SPOCK1: variants seen among roughly 807,000 people sequenced by gnomAD.
The protein encoded by SPOCK1 is testican-1.
In SPOCK1, 23 loss-of-function variants were observed where a neutral mutation model predicts 55.3. That is an observed-to-expected ratio of 0.42 (90% CI 0.30 to 0.59). SPOCK1 has a LOEUF of 0.59. Ranked by LOEUF, SPOCK1 falls within the 20% of genes least tolerant of loss-of-function variation. The pLI, the probability that SPOCK1 is intolerant of heterozygous loss-of-function variation, is 0.22. For missense variants in SPOCK1, 499 were observed against 552.5 expected (o/e 0.90, Z 0.97); for synonymous variants, 226 against 221.0 (o/e 1.02, Z -0.20).
chr5:137,315,695 T>C (rs1203045475), intron 2 of SPOCK1, among the ~76,000 whole-genome samples: 2 of 152,208 alleles, frequency 1.3e-5, no homozygotes, highest in East Asian at 1.9e-4. Flanking sequence ...TTCCTGAGAC[T>C]AGGCACAGTG....
intron 2 of SPOCK1, among the ~76,000 whole-genome samples, chr5:137,421,208 T>C (rs1401941170): frequency 4.6e-5 from 7 of 152,254 alleles, no homozygotes; most frequent in African/African-American, 1.7e-4. Flanking sequence ...AGGAGTGTTT[T>C]ACTTCCAACT....
intron 6 of SPOCK1, among the ~76,000 whole-genome samples, chr5:137,004,059 G>A (rs1463438874): frequency 6.6e-6 from 1 of 152,094 alleles, no homozygotes; most frequent in Non-Finnish European, 1.5e-5. Context: ...ATGGGGATAT[G>A]GGTTGATGGA....
intron 2 of SPOCK1, among the ~76,000 whole-genome samples, chr5:137,338,333 A>G (rs1363650211): frequency 6.6e-6 from 1 of 152,090 alleles, no homozygotes; most frequent in East Asian, 1.9e-4. Flanking sequence ...CCATGTCCCT[A>G]CAAAGGACAG....
At chr5:137,131,670 G>A (rs1365468714) in intron 4 of SPOCK1, among the ~76,000 whole-genome samples, 2 of 148,636 alleles carry the variant, frequency 1.3e-5, no homozygotes, top group African/African-American at 5.0e-5. Context: ...TGGTCTACCT[G>A]AATACTAAAA....
At chr5:137,281,710 A>G (rs376296624) in intron 2 of SPOCK1, among the ~76,000 whole-genome samples, 16 of 152,106 alleles carry the variant, frequency 1.1e-4, no homozygotes, top group African/African-American at 3.6e-4. Context: ...TATCTCATCT[A>G]ATTTACCAGC....
At chr5:137,014,769 G>A (rs1262658418) in intron 6 of SPOCK1, among the ~76,000 whole-genome samples, 1 of 152,166 alleles carries the variant, frequency 6.6e-6, no homozygotes, top group Non-Finnish European at 1.5e-5. Flanking sequence ...ACAAATTCCT[G>A]AGAGGGTCAG....
intron 6 of SPOCK1, among the ~76,000 whole-genome samples, chr5:137,040,766 GTT>G (rs1233067091): frequency 7.2e-5 from 11 of 152,148 alleles, no homozygotes; most frequent in Non-Finnish European, 1.5e-5. Flanking sequence ...CTAGGAATCA[GTT>G]TTCTTTTGGG....
At chr5:136,981,876 T>C (rs1750738455) in intron 9 of SPOCK1, among the ~76,000 whole-genome samples, 1 of 152,248 alleles carries the variant, frequency 6.6e-6, no homozygotes, top group Non-Finnish European at 1.5e-5. Context: ...TATTCCATTT[T>C]AAGTTATGAG....
intron 6 of SPOCK1, among the ~76,000 whole-genome samples, chr5:137,053,337 T>G (rs906521757): frequency 6.6e-6 from 1 of 152,068 alleles, no homozygotes; most frequent in Non-Finnish European, 1.5e-5. Flanking sequence ...ATCAGAAGTC[T>G]TGGAGTAAAC....
chr5:137,341,180 C>T (rs890106654), intron 2 of SPOCK1, among the ~76,000 whole-genome samples: 2 of 152,260 alleles, frequency 1.3e-5, no homozygotes, highest in African/African-American at 4.8e-5. Context: ...TCTGCACGCG[C>T]TTGGCAGACA....
chr5:137,319,575 T>G (rs550389329), intron 2 of SPOCK1, among the ~76,000 whole-genome samples: 3 of 152,352 alleles, frequency 2.0e-5, no homozygotes, highest in Admixed American at 6.5e-5. Context: ...ACTATCCTTC[T>G]TATTTAAGTA....
rs34252259 is a variant in SPOCK1 at position 137,474,376 on chromosome 5, C to A, written c.186+23997G>T. Among the ~76,000 whole-genome samples the A allele has an allele frequency of 5.3e-5, 8 of 152,012 alleles. No homozygotes were observed. In the East Asian group the frequency reaches 1.5e-3, roughly 29 times the overall value. ...ATTTGGAATTAGGTTTCTCACTGTG[C>A]GAAAAATAAAGAGCCTATTTTATGG... On this transcript the variant is annotated intron_variant, in intron 2 of 10. Coordinates refer to ENST00000394945, the MANE Select transcript of SPOCK1 (RefSeq NM_004598.4).
intron 4 of SPOCK1, among the ~76,000 whole-genome samples, chr5:137,122,240 T>TACACACACACACACACAC (rs772246376): frequency 7.5e-6 from 1 of 132,958 alleles, no homozygotes; most frequent in Non-Finnish European, 1.6e-5. Context: ...AAAGCAGTTA[T>TACACACACACACACACAC]ACACACACAC....
intron 3 of SPOCK1, among the ~76,000 whole-genome samples, chr5:137,200,099 A>G (rs889889319): frequency 3.3e-5 from 5 of 152,012 alleles, no homozygotes; most frequent in African/African-American, 4.8e-5. Context: ...CCATGATATC[A>G]CTCAAAGTGA....
chr5:137,060,683 T>C (rs906338387), intron 6 of SPOCK1, among the ~76,000 whole-genome samples: 1 of 152,002 alleles, frequency 6.6e-6, no homozygotes, highest in Non-Finnish European at 1.5e-5. Context: ...GGGCAAACTA[T>C]CAAAGCCATT....
intron 3 of SPOCK1, among the ~76,000 whole-genome samples, chr5:137,152,347 A>C (rs1754333097): frequency 6.6e-6 from 1 of 152,224 alleles, no homozygotes; most frequent in Admixed American, 6.5e-5. Flanking sequence ...GTGCCACTCA[A>C]TGGCTAATTA....
chr5:137,443,636 C>T (rs1165272457), intron 2 of SPOCK1, among the ~76,000 whole-genome samples: 4 of 152,176 alleles, frequency 2.6e-5, no homozygotes, highest in African/African-American at 4.8e-5. Flanking sequence ...CAACTGCACC[C>T]CTGCCAAAGC....
At position 136,979,461 on chromosome 5, in the gene SPOCK1, T is replaced by G; in HGVS notation, c.1000A>C (p.Ile334Leu). Reference sequence around the variant, plus strand: ...TAGCCCTCCTCATTACACCGAGGTATGAAGGCCCCTGGGGGAACAAAAGGT... The same window carrying G: ...TAGCCCTCCTCATTACACCGAGGTAGGAAGGCCCCTGGGGGAACAAAAGGT... ...SKGKSLLGAF[I>L]PRCNEEGYYK... Residue 334 changes from isoleucine to leucine, a missense_variant, in exon 10 of 11, where the codon ATA becomes CTA. Coordinates refer to ENST00000394945, the MANE Select transcript of SPOCK1 (RefSeq NM_004598.4). 1 of 1,613,638 alleles carries G rather than the reference T, an allele frequency of 6.2e-7. No homozygotes were observed. Among genetic ancestry groups the G allele is most frequent in the Non-Finnish European group, 8.5e-7 (1 of 1,179,888 alleles).
chr5:137,188,844 A>G (rs2127068863), intron 3 of SPOCK1, among the ~76,000 whole-genome samples: 1 of 152,378 alleles, frequency 6.6e-6, no homozygotes, highest in South Asian at 2.1e-4. Context: ...AATACAAAGG[A>G]AAAATGATTG....
Sources: gnomAD v4.1 joint callset for allele counts (sites outside exome capture counted in the v4.1 genomes callset) on GRCh38, gnomAD v4.1.1 for gene constraint, MANE v1.5 for transcripts, NCBI Gene and HGNC (gene_info 2026-07-23, HGNC 2026-07-21) for gene names.